Variants in NR6A1 observed in about 807,000 individuals in gnomAD.
NR6A1 encodes retinoic acid receptor-related testis-associated receptor.
NR6A1 carries 7 observed loss-of-function variants against 59.1 expected under a neutral mutation model. The ratio of observed to expected loss-of-function variants is 0.12; its 90% confidence interval spans 0.07 to 0.22. The LOEUF is 0.22. NR6A1 is among the 10% of genes least tolerant of loss of function. The pLI is 1.00. For synonymous variants in NR6A1, 243 were observed against 236.1 expected (o/e 1.03, Z -0.27); for missense variants, 468 against 611.6 (o/e 0.77, Z 2.48).
At chr9:124,546,563 T>C (rs1833607712) in intron 3 of NR6A1, among the ~76,000 whole-genome samples, 1 of 152,222 alleles carries the variant, frequency 6.6e-6, no homozygotes. Flanking sequence ...CTGTTGCAAA[T>C]TTTCTGTAAG....
intron 2 of NR6A1, among the ~76,000 whole-genome samples, chr9:124,594,959 A>G (rs1835230057): frequency 6.6e-6 from 1 of 152,252 alleles, no homozygotes; most frequent in African/African-American, 2.4e-5. Context: ...TCTTCTCAGT[A>G]GTGCTTGCCT....
At chr9:124,762,638 C>A (rs1404568487) in intron 1 of NR6A1, among the ~76,000 whole-genome samples, 1 of 152,176 alleles carries the variant, frequency 6.6e-6, no homozygotes, top group African/African-American at 2.4e-5. Flanking sequence ...AAAACCATAT[C>A]AATGAACTAT....
chr9:124,525,351 A>G (rs1307670272), intron 8 of NR6A1, among the ~76,000 whole-genome samples: 1 of 145,704 alleles, frequency 6.9e-6, no homozygotes, highest in African/African-American at 2.6e-5. Flanking sequence ...TCTGTTCTTA[A>G]TCTTCTTCCT....
At chr9:124,592,062 T>C (rs930292259) in intron 2 of NR6A1, among the ~76,000 whole-genome samples, 8 of 152,068 alleles carry the variant, frequency 5.3e-5, no homozygotes, top group African/African-American at 1.7e-4. Context: ...GGTCGCGGGG[T>C]GGGAGATTGT....
intron 2 of NR6A1, among the ~76,000 whole-genome samples, chr9:124,582,718 C>T (rs1834810677): frequency 6.6e-6 from 1 of 152,170 alleles, no homozygotes; most frequent in Admixed American, 6.5e-5. Flanking sequence ...GAGACCTCAT[C>T]TCTATTAAAA....
At chr9:124,711,790 C>G (rs1046378886) in intron 2 of NR6A1, among the ~76,000 whole-genome samples, 1 of 152,154 alleles carries the variant, frequency 6.6e-6, no homozygotes, top group African/African-American at 2.4e-5. Context: ...GAAATGAATT[C>G]CCATGTGTCT....
intron 3 of NR6A1, among the ~76,000 whole-genome samples, chr9:124,548,366 C>A (rs1833665037): frequency 6.6e-6 from 1 of 152,122 alleles, no homozygotes; most frequent in African/African-American, 2.4e-5. Flanking sequence ...CCTATAATCC[C>A]AGCACTTTGG....
chr9:124,640,342 T>C (rs1836734778), intron 2 of NR6A1, among the ~76,000 whole-genome samples: 2 of 152,186 alleles, frequency 1.3e-5, no homozygotes, highest in South Asian at 2.1e-4. Flanking sequence ...AAAGGGATGT[T>C]TGTATATGGT....
At chr9:124,664,363 T>A (rs1837539757) in intron 2 of NR6A1, among the ~76,000 whole-genome samples, 1 of 152,252 alleles carries the variant, frequency 6.6e-6, no homozygotes, top group Non-Finnish European at 1.5e-5. Context: ...TATGATGTCA[T>A]ATCTTAGCTC....
intron 2 of NR6A1, among the ~76,000 whole-genome samples, chr9:124,620,456 A>G (rs960323341): frequency 2.6e-5 from 4 of 152,252 alleles, no homozygotes; most frequent in African/African-American, 9.6e-5. Flanking sequence ...GATAGATAAA[A>G]TGTATGGCAT....
intron 1 of NR6A1, among the ~76,000 whole-genome samples, chr9:124,759,471 T>C (rs142107468): frequency 5.9e-5 from 9 of 152,334 alleles, no homozygotes; most frequent in South Asian, 2.1e-4. Context: ...TTTCCTCAAG[T>C]AGCTGAAAAG....
chr9:124,556,495 C>G (rs1355973640), intron 2 of NR6A1, among the ~76,000 whole-genome samples: 2 of 147,800 alleles, frequency 1.4e-5, no homozygotes, highest in African/African-American at 2.5e-5. Flanking sequence ...GAGTCTTGCT[C>G]TGTCACCCAG....
chr9:124,604,210 A>C (rs1272236178), intron 2 of NR6A1, among the ~76,000 whole-genome samples: 1 of 152,110 alleles, frequency 6.6e-6, no homozygotes, highest in East Asian at 1.9e-4. Context: ...TGAATCTCAC[A>C]TCCTGATATC....
In NR6A1 at chr9:124,712,401, G is replaced by C. The variant is rs549287585; in HGVS notation, c.142+20907C>G. Among the ~76,000 whole-genome samples the C allele has an allele frequency of 1.2e-4, 18 of 152,220 alleles. No individual in the cohort carries two copies. The South Asian group carries it at 3.3e-3, about 28-fold the overall frequency. ...AGGCAAGGGGACCACTTGAGGCCAG[G>C]AGCTGGAGACCGGACTGGTCAACAG... On this transcript the variant is annotated intron_variant, in intron 2 of 9. Coordinates refer to ENST00000487099, the MANE Select transcript of NR6A1 (RefSeq NM_033334.4).
At chr9:124,648,305 C>T (rs1318835818) in intron 2 of NR6A1, among the ~76,000 whole-genome samples, 1 of 152,086 alleles carries the variant, frequency 6.6e-6, no homozygotes, top group East Asian at 1.9e-4. Context: ...CGAGACCAGC[C>T]TGGGCAACAT....
chr9:124,706,012 G>A (rs1334917974), intron 2 of NR6A1, among the ~76,000 whole-genome samples: 1 of 152,158 alleles, frequency 6.6e-6, no homozygotes, highest in Non-Finnish European at 1.5e-5. Flanking sequence ...CCGAACTCAG[G>A]TGATCCACCT....
At chr9:124,674,497 T>C (rs765592363) in intron 2 of NR6A1, among the ~76,000 whole-genome samples, 1 of 152,044 alleles carries the variant, frequency 6.6e-6, no homozygotes, top group Admixed American at 6.5e-5. Context: ...AGTATCTATC[T>C]TACTGGGTTG....
intron 7 of NR6A1, among the ~76,000 whole-genome samples, chr9:124,535,049 G>A (rs1482437967): frequency 6.6e-6 from 1 of 152,026 alleles, no homozygotes; most frequent in South Asian, 2.1e-4. Flanking sequence ...GCATGAAACC[G>A]GGAGGCGGAG....
chr9:124,628,116 C>T (rs1836304913), intron 2 of NR6A1, among the ~76,000 whole-genome samples: 1 of 151,964 alleles, frequency 6.6e-6, no homozygotes, highest in Non-Finnish European at 1.5e-5. Context: ...CAACCTCCGC[C>T]TCCTGGATTT....
Sources: gnomAD v4.1 joint callset for allele counts (sites outside exome capture counted in the v4.1 genomes callset) on GRCh38, gnomAD v4.1.1 for gene constraint, MANE v1.5 for transcripts, NCBI Gene and HGNC (gene_info 2026-07-23, HGNC 2026-07-21) for gene names.